Variants in SPEF2 observed in about 807,000 individuals in gnomAD.
SPEF2 encodes sperm flagella and cilia-associated protein 2.
Under a neutral mutation model 224.6 loss-of-function variants are expected in SPEF2, and 187 were observed. The ratio of observed to expected loss-of-function variants is 0.83; its 90% CI spans 0.74 to 0.94. SPEF2 has a LOEUF of 0.94. Among genes scored for constraint, SPEF2 ranks in the 40% least tolerant of loss-of-function variants. The pLI is 0.00. For synonymous variants in SPEF2, 715 were observed against 707.3 expected (o/e 1.01, Z -0.17); for missense variants, 2,170 against 2,135.6 (o/e 1.02, Z -0.32).
intron 10 of SPEF2, among the ~76,000 whole-genome samples, chr5:35,686,007 T>C (rs1753562871): frequency 6.6e-6 from 1 of 152,132 alleles, no homozygotes; most frequent in South Asian, 2.1e-4. Context: ...CCTATTTTGA[T>C]GAGGGAGTTC....
At chr5:35,734,742 T>C (rs1234763428) in intron 21 of SPEF2, among the ~76,000 whole-genome samples, 2 of 132,864 alleles carry the variant, frequency 1.5e-5, no homozygotes, top group Non-Finnish European at 3.1e-5. Flanking sequence ...AGACAGAGTC[T>C]CACTCTGTCA....
At chr5:35,793,709 A>G (rs1756264801) in intron 32 of SPEF2, among the ~76,000 whole-genome samples, 2 of 150,172 alleles carry the variant, frequency 1.3e-5, no homozygotes, top group Admixed American at 1.3e-4. Flanking sequence ...CTCCCAGCGT[A>G]GAAAGAACAG....
chr5:35,765,634 C>T lies in SPEF2; in HGVS notation c.3801+1932C>T, dbSNP rs529247219. ...TGTCTGTGCTTATACCAACACCACA[C>T]CAATATACCATTTATTTGTTACCTG... On this transcript the variant is annotated intron_variant, in intron 26 of 36. Transcript: ENST00000356031. Among the ~76,000 whole-genome samples, 10 of 152,288 alleles carry T rather than the reference C, an allele frequency of 6.6e-5. No individual in the cohort carries two copies. In the South Asian group the frequency reaches 2.1e-3, roughly 32 times the overall value.
chr5:35,787,260 C>CTTT (rs542133921), intron 30 of SPEF2, among the ~76,000 whole-genome samples: 1,568 of 141,016 alleles, frequency 0.011, 70 homozygotes, highest in East Asian at 0.098. Flanking sequence ...GCTTCACACC[C>CTTT]TTTTTTTTTT....
chr5:35,696,016 A>G (rs1440520500), intron 14 of SPEF2, among the ~76,000 whole-genome samples: 1 of 152,210 alleles, frequency 6.6e-6, no homozygotes, highest in African/African-American at 2.4e-5. Flanking sequence ...CACTTTTGCC[A>G]GGGTGATAAA....
At chr5:35,702,373 G>T (rs1738825565) in intron 16 of SPEF2, 5 of 453,844 alleles carry the variant, frequency 1.1e-5, no homozygotes, top group South Asian at 4.7e-5. Flanking sequence ...ATGTAAGGAG[G>T]GGGAATGGCC....
chr5:35,725,789 A>G (rs1374670711), intron 20 of SPEF2, among the ~76,000 whole-genome samples: 2 of 152,072 alleles, frequency 1.3e-5, no homozygotes, highest in Admixed American at 1.3e-4. Flanking sequence ...TTTTTACTGC[A>G]TTTTATTTTT....
intron 3 of SPEF2, among the ~76,000 whole-genome samples, chr5:35,642,094 C>T (rs1250274027): frequency 6.6e-6 from 1 of 152,166 alleles, no homozygotes; most frequent in Non-Finnish European, 1.5e-5. Flanking sequence ...CCCATCATAT[C>T]TGCTCAGATC....
At chr5:35,642,548 G>T (rs1013954972) in intron 3 of SPEF2, among the ~76,000 whole-genome samples, 1 of 152,114 alleles carries the variant, frequency 6.6e-6, no homozygotes, top group Non-Finnish European at 1.5e-5. Flanking sequence ...CATCAGATTT[G>T]ATGAATATGT....
At position 35,739,926 on chromosome 5, in the gene SPEF2, C is replaced by T. The variant is rs1747305242; in HGVS notation, c.3071C>T (p.Pro1024Leu). ...YVNEPVPEEM[P>L]LFLVPYWELI... is the part of the protein sequence containing the mutation. Reference sequence around the variant, plus strand: ...CACTTTACCATTTAACAGGAAATGCCTTTGTTTTTAGTACCTTACTGGGAA... The same window carrying T: ...CACTTTACCATTTAACAGGAAATGCTTTTGTTTTTAGTACCTTACTGGGAA... The change falls in exon 22 of 37, where the codon CCT becomes CTT. Residue 1024 changes from proline to leucine, a missense_variant. Coordinates refer to ENST00000356031, the MANE Select transcript of SPEF2 (RefSeq NM_024867.4). 1 of 1,613,046 alleles carries T rather than the reference C, an allele frequency of 6.2e-7. No individual in the cohort carries two copies. The highest frequency in any genetic ancestry group is 8.5e-7 in the Non-Finnish European group (1 of 1,179,754).
intron 21 of SPEF2, 41 bp from the exon 22 acceptor site, chr5:35,739,878 T>G (rs757126860): frequency 6.2e-7 from 1 of 1,604,910 alleles, no homozygotes; most frequent in South Asian, 1.1e-5. Context: ...AGAAGAACTT[T>G]CATTTTGAAG....
chr5:35,739,825 C>G, intron 21 of SPEF2, 94 bp from the exon 22 acceptor site: 2 of 1,454,990 alleles, frequency 1.4e-6, no homozygotes, highest in South Asian at 2.7e-5. Context: ...GCAGTTGCAT[C>G]TTGACCTTTT....
intron 24 of SPEF2, among the ~76,000 whole-genome samples, chr5:35,758,848 A>G (rs1750810678): frequency 6.6e-6 from 1 of 151,938 alleles, no homozygotes; most frequent in Admixed American, 6.6e-5. Flanking sequence ...TCTACTAAAT[A>G]TATAAATATT....
intron 11 of SPEF2, 38 bp from the exon 12 acceptor site, chr5:35,692,532 A>G: frequency 4.0e-6 from 6 of 1,505,310 alleles, no homozygotes; most frequent in Non-Finnish European, 5.4e-6. Flanking sequence ...CATTTCCCAA[A>G]TGAAAAGCTA....
chr5:35,634,568 T>C (rs2149385046), intron 2 of SPEF2, among the ~76,000 whole-genome samples: 1 of 152,264 alleles, frequency 6.6e-6, no homozygotes, highest in Non-Finnish European at 1.5e-5. Context: ...TTTTGGCCAC[T>C]GTTTCTCCAA....
chr5:35,622,681 T>G (rs1287812253), intron 1 of SPEF2, among the ~76,000 whole-genome samples: 2 of 152,216 alleles, frequency 1.3e-5, no homozygotes, highest in Non-Finnish European at 2.9e-5. Context: ...CTATTGCTTC[T>G]GACGTAAAGC....
At chr5:35,630,601 C>A (rs1744948167) in intron 2 of SPEF2, among the ~76,000 whole-genome samples, 1 of 152,118 alleles carries the variant, frequency 6.6e-6, no homozygotes, top group African/African-American at 2.4e-5. Context: ...GAGGCTGAGG[C>A]AGGAGAATGG....
chr5:35,663,400 A>G (rs1750006344), intron 8 of SPEF2, among the ~76,000 whole-genome samples: 1 of 152,170 alleles, frequency 6.6e-6, no homozygotes, highest in African/African-American at 2.4e-5. Flanking sequence ...AGCCAAATGT[A>G]TGACCTTTGC....
intron 10 of SPEF2, among the ~76,000 whole-genome samples, chr5:35,674,334 C>CTT (rs1208992808): frequency 1.8e-4 from 12 of 64,976 alleles, no homozygotes; most frequent in Admixed American, 2.8e-4. Context: ...CTCTTTTCGT[C>CTT]TTCTTTTTTT....
Sources: gnomAD v4.1 joint callset for allele counts (sites outside exome capture counted in the v4.1 genomes callset) on GRCh38, gnomAD v4.1.1 for gene constraint, MANE v1.5 for transcripts, NCBI Gene and HGNC (gene_info 2026-07-23, HGNC 2026-07-21) for gene names.